ZBBX: variants seen among roughly 807,000 people sequenced by gnomAD.
The protein encoded by ZBBX is zinc finger B-box domain-containing protein 1.
ZBBX carries 101 observed loss-of-function variants against 108.5 expected under a neutral mutation model. The observed-to-expected ratio is 0.93, with a 90% CI of 0.79 to 1.10. ZBBX has a LOEUF of 1.10. Among genes scored for constraint, ZBBX ranks in the 50% least tolerant of loss-of-function variants. ZBBX has a pLI of 0.00. For synonymous variants in ZBBX, 356 were observed against 323.4 expected (o/e 1.10, Z -1.08); for missense variants, 1,009 against 941.4 (o/e 1.07, Z -0.94).
At chr3:167,295,659 A>T (rs924492688) in intron 18 of ZBBX, among the ~76,000 whole-genome samples, 6 of 147,242 alleles carry the variant, frequency 4.1e-5, no homozygotes, top group African/African-American at 1.5e-4. Flanking sequence ...ATATGTACCC[A>T]GAACTTAAAG....
chr3:167,216,647 A>G, the ZBBX span, among the ~76,000 whole-genome samples: 1 of 152,182 alleles, frequency 6.6e-6, no homozygotes, highest in African/African-American at 2.4e-5. Flanking sequence ...GGAACAAAAA[A>G]AAGAGCCTGA....
chr3:167,181,176 C>T, the ZBBX span, among the ~76,000 whole-genome samples: 7 of 152,124 alleles, frequency 4.6e-5, no homozygotes, highest in Non-Finnish European at 8.8e-5. Flanking sequence ...CCACTTGAAG[C>T]GGTTCCTTCA....
chr3:167,330,256 G>T (rs1237683715), intron 10 of ZBBX, among the ~76,000 whole-genome samples: 3 of 152,146 alleles, frequency 2.0e-5, no homozygotes, highest in African/African-American at 7.2e-5. Flanking sequence ...ATTAACGTTT[G>T]TGTAAAAAAT....
chr3:167,183,437 G>A, the ZBBX span, among the ~76,000 whole-genome samples: 9 of 152,194 alleles, frequency 5.9e-5, no homozygotes, highest in Admixed American at 2.0e-4. Context: ...AGACCAGCTC[G>A]ATCAGGGAGA....
the ZBBX span, among the ~76,000 whole-genome samples, chr3:167,215,149 G>A: frequency 6.6e-6 from 1 of 151,490 alleles, no homozygotes; most frequent in South Asian, 2.1e-4. Flanking sequence ...AAGAACTGAA[G>A]GAAACTGAGA....
Position 167,305,731 on chromosome 3 carries a change from A to G in ZBBX, c.1637T>C (p.Leu546Ser), listed in dbSNP as rs758693939. 6.2e-7 allele frequency: 1 copy of G among 1,612,244 alleles called. No homozygotes were observed. Among genetic ancestry groups the G allele is most frequent in the East Asian group, 2.2e-5 (1 of 44,754 alleles). The change falls in exon 17 of 22, where the codon TTA (leucine) becomes TCA (serine). Residue 546 changes from leucine (L) to serine (S), a missense_variant. By Grantham distance (145) the Leu-to-Ser change is moderately radical. Transcript: ENST00000675490. ...DLEKAPIEEK[L>S]SQDIKESLEL... is the part of the protein sequence containing the mutation. ...CAAGGATTCTTTGATGTCTTGAGAT[A>G]ATTTCTCCTCAATGGGAGCTTTTTC...
At chr3:167,186,174 T>A in the ZBBX span, among the ~76,000 whole-genome samples, 1 of 151,914 alleles carries the variant, frequency 6.6e-6, no homozygotes, top group Admixed American at 6.6e-5. Context: ...AATATATGAG[T>A]AATAGAGTAT....
intron 16 of ZBBX, 57 bp downstream of exon 16, chr3:167,313,917 A>C: frequency 7.0e-7 from 1 of 1,435,382 alleles, no homozygotes; most frequent in East Asian, 2.5e-5. Flanking sequence ...TATAGACTGC[A>C]ATAGTAAATT....
At chr3:167,335,021 T>C (rs1739324645) in intron 9 of ZBBX, among the ~76,000 whole-genome samples, 1 of 152,108 alleles carries the variant, frequency 6.6e-6, no homozygotes, top group African/African-American at 2.4e-5. Context: ...ATTCACGCCA[T>C]TACTCCAACA....
intron 1 of ZBBX, among the ~76,000 whole-genome samples, chr3:167,389,517 C>T (rs112823539): frequency 5.9e-5 from 9 of 151,950 alleles, no homozygotes; most frequent in Non-Finnish European, 8.8e-5. Context: ...CTGGGTCAAA[C>T]GGTATTTCTG....
chr3:167,371,142 G>A (rs12491411), intron 4 of ZBBX, among the ~76,000 whole-genome samples: 10,976 of 152,198 alleles, frequency 0.072, 471 homozygotes, highest in Admixed American at 0.11. Flanking sequence ...AATGGTTTGT[G>A]GATCAGGGAG....
chr3:167,275,829 C>T (rs1727465703), intron 20 of ZBBX, among the ~76,000 whole-genome samples: 1 of 152,204 alleles, frequency 6.6e-6, no homozygotes, highest in East Asian at 1.9e-4. Context: ...GGGGGCAGGG[C>T]ACAGACAAAC....
chr3:167,333,890 T>C lies in ZBBX; in HGVS notation c.624A>G (p.Thr208=). 1 of 1,613,016 alleles carries C rather than the reference T, an allele frequency of 6.2e-7. No homozygotes were observed. Among genetic ancestry groups the C allele is most frequent in the South Asian group, 1.1e-5 (1 of 90,954 alleles). The change falls in exon 10 of 22, where the codon ACA becomes ACG. Residue 208 remains threonine, a synonymous_variant. Coordinates refer to ENST00000675490, the MANE Select transcript of ZBBX (RefSeq NM_001199201.2). ...PDEPKEENNS[T]KETSKIQHKP... is the part of the protein sequence containing the mutation. ...TATGTTGAATTTTACTGGTTTCCTT[T>C]GTAGAATTATTCTCCTCTTTGGGTT... is the stretch of plus-strand genomic sequence containing the variant.
chr3:167,328,991 T>G (rs969818365), intron 10 of ZBBX, among the ~76,000 whole-genome samples: 2 of 152,220 alleles, frequency 1.3e-5, no homozygotes, highest in Non-Finnish European at 1.5e-5. Flanking sequence ...GTGGATTTTG[T>G]CTTTTTTCTT....
chr3:167,295,285 C>A (rs1731443730), intron 18 of ZBBX, among the ~76,000 whole-genome samples: 2 of 152,180 alleles, frequency 1.3e-5, no homozygotes, highest in African/African-American at 4.8e-5. Flanking sequence ...GACTTGGAAG[C>A]AACCCAAATG....
At chr3:167,315,967 A>G (rs1735384457) in intron 14 of ZBBX, 138 bp from the exon 15 acceptor site, 3 of 539,802 alleles carry the variant, frequency 5.6e-6, no homozygotes, top group Non-Finnish European at 9.8e-6. Context: ...ATTTTATAAC[A>G]CATAAGTTCT....
At chr3:167,316,493 C>T (rs1427739749) in intron 14 of ZBBX, among the ~76,000 whole-genome samples, 1 of 152,020 alleles carries the variant, frequency 6.6e-6, no homozygotes, top group Non-Finnish European at 1.5e-5. Context: ...CAGGGTCTGG[C>T]TCTAGTTGAT....
At chr3:167,237,583 C>G (rs1214956417), downstream of ZBBX, among the ~76,000 whole-genome samples, 1 of 151,860 alleles carries the variant, frequency 6.6e-6, no homozygotes, top group East Asian at 1.9e-4. Flanking sequence ...CACATTGAAG[C>G]TGCTTCAGGC....
At chr3:167,366,028 T>C in intron 5 of ZBBX, 52 bp from the exon 6 acceptor site, 2 of 1,380,648 alleles carry the variant, frequency 1.4e-6, no homozygotes, top group South Asian at 1.4e-5. Context: ...CATTTCTCCC[T>C]TTAATGAAAA....
Sources: gnomAD v4.1 joint callset for allele counts (sites outside exome capture counted in the v4.1 genomes callset) on GRCh38, gnomAD v4.1.1 for gene constraint, MANE v1.5 for transcripts, NCBI Gene and HGNC (gene_info 2026-07-23, HGNC 2026-07-21) for gene names.